TBC1D2B: variants seen among roughly 807,000 people sequenced by gnomAD.
The protein encoded by TBC1D2B is TBC1 domain family member 2B.
TBC1D2B carries 64 observed loss-of-function variants against 100.8 expected under a neutral mutation model. The ratio of observed to expected loss-of-function variants is 0.64; its 90% CI spans 0.52 to 0.78. The LOEUF (loss-of-function observed/expected upper bound fraction) is 0.78. TBC1D2B is among the 30% of genes least tolerant of loss of function. The pLI, the probability that TBC1D2B is intolerant of heterozygous loss-of-function variation, is 0.00. For missense variants in TBC1D2B, 1,052 were observed against 1,218.4 expected, an observed-to-expected ratio of 0.86 and a Z score of 2.03; for synonymous variants, 480 against 479.7, an observed-to-expected ratio of 1.00 and a Z score of -0.01.
intron 3 of TBC1D2B, among the ~76,000 whole-genome samples, chr15:78,040,208 A>G (rs2073042785): frequency 6.6e-6 from 1 of 152,268 alleles, no homozygotes. Context: ...CCAGAATTTC[A>G]GCAGAGACCT....
chr15:78,030,290 C>A (rs555866688), intron 3 of TBC1D2B, 120 bp from the exon 4 acceptor site: 3 of 850,196 alleles, frequency 3.5e-6, no homozygotes, highest in African/African-American at 1.8e-5. Context: ...GGTGAGGATA[C>A]GGAGAAATGG....
Position 78,036,170 on chromosome 15 carries a change from G to A in TBC1D2B, c.684-6000C>T, listed in dbSNP as rs568849894. The stretch of plus-strand genomic sequence containing the variant: ...AGACATAAGTACCTTCAGTTCTAGT[G>A]GTGACTTCTGGGAAGTGGACTTAAA... On this transcript the variant is annotated intron_variant, in intron 3 of 12. Transcript: ENST00000300584. Among the ~76,000 whole-genome samples, 75 of 152,314 alleles carry A rather than the reference G, an allele frequency of 4.9e-4. No individual in the cohort carries two copies. In the South Asian group the frequency reaches 0.015, roughly 31 times the overall value.
chr15:78,021,811 G>A (rs967782847), intron 6 of TBC1D2B, among the ~76,000 whole-genome samples: 3 of 152,102 alleles, frequency 2.0e-5, no homozygotes, highest in Admixed American at 1.3e-4. Flanking sequence ...CACCCATTAT[G>A]CTGCAAAAAG....
chr15:78,064,398 T>C (rs962595548), intron 1 of TBC1D2B, among the ~76,000 whole-genome samples: 2 of 152,170 alleles, frequency 1.3e-5, no homozygotes, highest in African/African-American at 4.8e-5. Flanking sequence ...AAGGAAAATA[T>C]ATATACAGAA....
intron 11 of TBC1D2B, 80 bp downstream of exon 11, chr15:78,003,225 C>G (rs2071963623): frequency 2.2e-6 from 3 of 1,350,978 alleles, no homozygotes; most frequent in Non-Finnish European, 3.1e-6. Flanking sequence ...TCCAGGTGAG[C>G]CAGCCGCTCT....
chr15:77,997,826 G>C lies in TBC1D2B; in HGVS notation c.*334C>G, dbSNP rs150809172. On this transcript the variant is annotated 3_prime_UTR_variant, in exon 13 of 13. Transcript: ENST00000300584. ...TATGGGGAGATGCCCAGCAAAGCAA[G>C]GTTTCAGAGGGTCAGAGCACCGACA... 4.8e-6 allele frequency: 1 copy of C among 209,724 alleles called. No individual in the cohort carries two copies. Among genetic ancestry groups the C allele is most frequent in the Admixed American group, 5.8e-5 (1 of 17,102 alleles). The allele number at this position is 209,724 out of a possible 1,614,324, so 13.0% of individuals were successfully genotyped here.
intron 3 of TBC1D2B, among the ~76,000 whole-genome samples, chr15:78,037,367 C>T (rs567161139): frequency 1.1e-4 from 17 of 152,332 alleles, no homozygotes; most frequent in African/African-American, 4.1e-4. Context: ...TAAGCCAAAA[C>T]TCATCTTCAC....
intron 1 of TBC1D2B, among the ~76,000 whole-genome samples, chr15:78,066,806 C>G (rs1233649825): frequency 6.6e-6 from 1 of 152,130 alleles, no homozygotes; most frequent in African/African-American, 2.4e-5. Context: ...CTTTGACGAA[C>G]CAAAGAGAAA....
rs1166056890 is a variant in TBC1D2B at position 77,995,368 on chromosome 15, C to A, written c.*2792G>T. The A allele has an allele frequency of 6.6e-6, 1 of 152,360 alleles. No homozygotes were observed. The highest frequency in any genetic ancestry group is 2.4e-5 in the African/African-American group (1 of 41,464). 9.4% of individuals were successfully genotyped at this position (152,360 alleles called of 1,614,324 possible). A position where few individuals can be genotyped will look rare whatever the true frequency, so the allele number is the denominator to read the frequency against. ...AGAACCGTCTCCAGCTGTCAGCAGT[C>A]TTGGCGGCTACTGTACAGCTGTCAG... On this transcript the variant is annotated 3_prime_UTR_variant, in exon 13 of 13. Coordinates refer to ENST00000300584, the MANE Select transcript of TBC1D2B (RefSeq NM_144572.2).
chr15:78,021,015 A>G (rs76875756), intron 6 of TBC1D2B, among the ~76,000 whole-genome samples: 4,601 of 152,310 alleles, frequency 0.03, 250 homozygotes, highest in African/African-American at 0.11. Context: ...AAGTCCATAC[A>G]CTTCAAAAAT....
intron 1 of TBC1D2B, among the ~76,000 whole-genome samples, chr15:78,065,100 A>C (rs2073630532): frequency 6.6e-6 from 1 of 152,260 alleles, no homozygotes; most frequent in African/African-American, 2.4e-5. Flanking sequence ...AAGATGCCAC[A>C]TTCATCATCC....
chr15:78,018,678 A>G (rs2072438349), intron 6 of TBC1D2B, among the ~76,000 whole-genome samples: 1 of 152,214 alleles, frequency 6.6e-6, no homozygotes, highest in African/African-American at 2.4e-5. Context: ...GGCAGGACAC[A>G]TGTCATATTG....
At chr15:78,034,578 A>C (rs1596318705) in intron 3 of TBC1D2B, 2 of 985,192 alleles carry the variant, frequency 2.0e-6, no homozygotes, top group African/African-American at 3.5e-5. Flanking sequence ...GCCTGGGGAG[A>C]GAGAACAGTA....
chr15:78,067,370 C>G (rs970605561), intron 1 of TBC1D2B, among the ~76,000 whole-genome samples: 3 of 152,206 alleles, frequency 2.0e-5, no homozygotes. Context: ...AGGCCAGAGG[C>G]AAAGCTTGAC....
In TBC1D2B at chr15:78,012,828, T is replaced by G; in HGVS notation, c.2265A>C (p.Leu755=). 1 of 1,507,482 alleles carries G rather than the reference T, an allele frequency of 6.6e-7. No individual in the cohort carries two copies. The highest frequency in any genetic ancestry group is 1.4e-5 in the South Asian group (1 of 71,580). The allele number at this position is 1,507,482 out of a possible 1,614,324, so 93.4% of individuals were successfully genotyped here. ...ATTTTGTGCTGTGCACCCACCTGTT[T>G]AGGCCTTGACAGTAGCCGATATCTG... ...RNPDIGYCQG[L]NRLVAVALLY... Residue 755 remains leucine (L), a synonymous_variant, in exon 9 of 13, where the codon CTA becomes CTC. Transcript: ENST00000300584.
chr15:78,024,517 T>G lies in TBC1D2B; in HGVS notation c.1109A>C (p.Gln370Pro). Reference protein sequence around the residue: ...SQKELVRLLQQTVRSSQYDKY... With the variant: ...SQKELVRLLQPTVRSSQYDKY... ...GTCATACTGGGATGACCGGACTGTC[T>G]GCTGGAGCAGTCGAACAAGCTCCTG... is the stretch of plus-strand genomic sequence containing the variant. Residue 370 changes from glutamine (Q) to proline (P), a missense_variant, in exon 6 of 13, where the codon CAG becomes CCG. Around this residue, in one of 4 missense-constraint regions of TBC1D2B, gnomAD observed 627 missense variants for 646.1 expected, o/e 0.97. Coordinates refer to ENST00000300584, the MANE Select transcript of TBC1D2B (RefSeq NM_144572.2). 3 of 1,611,344 alleles carry G rather than the reference T, an allele frequency of 1.9e-6. No individual in the cohort carries two copies. Among genetic ancestry groups the G allele is most frequent in the Non-Finnish European group, 2.5e-6 (3 of 1,177,898 alleles).
At chr15:78,006,688 T>C (rs76142414) in intron 10 of TBC1D2B, among the ~76,000 whole-genome samples, 1,565 of 152,306 alleles carry the variant, frequency 0.01, 31 homozygotes, top group African/African-American at 0.037. Flanking sequence ...ATTAGTGTCT[T>C]CGGCTCCCAG....
At chr15:78,036,829 G>C (rs1052342923) in intron 3 of TBC1D2B, among the ~76,000 whole-genome samples, 1 of 152,168 alleles carries the variant, frequency 6.6e-6, no homozygotes, top group African/African-American at 2.4e-5. Flanking sequence ...CAAGGACTTC[G>C]AGAGGCTGCT....
rs1043466338 is a variant in TBC1D2B, at chr15:78,077,594, T to A, written c.59A>T (p.Gln20Leu). Residue 20 changes from glutamine to leucine, a missense_variant, in exon 1 of 13, where the codon CAG (glutamine) becomes CTG (leucine). Physicochemically the swap from Gln to Leu is moderately radical, Grantham distance 113. Coordinates refer to ENST00000300584, the MANE Select transcript of TBC1D2B (RefSeq NM_144572.2). ...CGCCCCGGGCTCCGCGGCCGCCCCC[T>A]GCGCCGCGCCCTCGCCGCCGCCGCC... is the stretch of plus-strand genomic sequence containing the variant. ...EGGGGGEGAA[Q>L]GAAAEPGAGP... The A allele has an allele frequency of 2.1e-5, 24 of 1,148,510 alleles. No homozygotes were observed. The African/African-American group carries it at 2.4e-4, about 11-fold the overall frequency. 71.1% of individuals were successfully genotyped at this position (1,148,510 alleles called of 1,614,324 possible).
Sources: gnomAD v4.1 joint callset for allele counts (sites outside exome capture counted in the v4.1 genomes callset) on GRCh38, gnomAD v4.1.1 for gene constraint, gnomAD v4.1.1 regional missense constraint, MANE v1.5 for transcripts, NCBI Gene and HGNC (gene_info 2026-07-23, HGNC 2026-07-21) for gene names.